The following GABRB3 variants were observed in gnomAD, a reference collection of about 807,000 sequenced individuals.
The protein encoded by GABRB3 is gamma-aminobutyric acid receptor subunit beta-3.
Under a neutral mutation model 52.1 loss-of-function variants are expected in GABRB3, and 14 were observed. The observed-to-expected ratio is 0.27, with a 90% CI of 0.18 to 0.42. GABRB3 has a LOEUF of 0.42. GABRB3 is among the 10% of genes least tolerant of loss of function. The probability of loss-of-function intolerance (pLI) is 1.00; values close to 1 mark genes in which losing one functional copy is unlikely to be tolerated. For missense variants in GABRB3, 307 were observed against 609.1 expected, an observed-to-expected ratio of 0.50 and a Z score of 5.22; for synonymous variants, 260 against 232.3, an observed-to-expected ratio of 1.12 and a Z score of -1.08.
At chr15:26,687,661 T>G (rs1346346093) in intron 3 of GABRB3, among the ~76,000 whole-genome samples, 1 of 152,228 alleles carries the variant, frequency 6.6e-6, no homozygotes, top group Non-Finnish European at 1.5e-5. Context: ...TTTGTTTTGT[T>G]TTTCACTTAA....
At chr15:26,746,912 G>A (rs969796931) in intron 3 of GABRB3, among the ~76,000 whole-genome samples, 4 of 152,058 alleles carry the variant, frequency 2.6e-5, no homozygotes, top group East Asian at 3.9e-4. Flanking sequence ...GCATGAACCC[G>A]GGAGGCGGAA....
At chr15:26,722,799 G>C (rs1411234047) in intron 3 of GABRB3, among the ~76,000 whole-genome samples, 1 of 152,086 alleles carries the variant, frequency 6.6e-6, no homozygotes. Context: ...CACTGGATCC[G>C]AGGGCTGGGC....
chr15:26,559,589 A>G (rs1242164569), intron 8 of GABRB3, among the ~76,000 whole-genome samples: 1 of 152,226 alleles, frequency 6.6e-6, no homozygotes, highest in Non-Finnish European at 1.5e-5. Context: ...GAAGAGGTGG[A>G]AAGATAAATT....
chr15:26,728,323 C>A (rs1207014260), intron 3 of GABRB3, among the ~76,000 whole-genome samples: 1 of 152,174 alleles, frequency 6.6e-6, no homozygotes, highest in East Asian at 1.9e-4. Flanking sequence ...ATTCTGGTTC[C>A]CACACATATG....
At chr15:26,640,014 T>C (rs1486524021) in intron 3 of GABRB3, among the ~76,000 whole-genome samples, 1 of 152,214 alleles carries the variant, frequency 6.6e-6, no homozygotes. Context: ...ACAAGAACTA[T>C]TAAATTACTC....
intron 7 of GABRB3, among the ~76,000 whole-genome samples, chr15:26,566,472 T>G (rs1890178163): frequency 6.6e-6 from 1 of 152,186 alleles, no homozygotes; most frequent in Non-Finnish European, 1.5e-5. Context: ...ACGCATATAC[T>G]CCTAGCACTC....
chr15:26,750,187 ATGT>A (rs1394098227), intron 3 of GABRB3: 7 of 152,230 alleles, frequency 4.6e-5, no homozygotes, highest in African/African-American at 1.7e-4. Context: ...AAATCAGTCC[ATGT>A]TGCTATACAT....
At chr15:26,758,154 T>G in intron 3 of GABRB3, among the ~76,000 whole-genome samples, 1 of 150,852 alleles carries the variant, frequency 6.6e-6, no homozygotes, top group East Asian at 1.9e-4. Flanking sequence ...ACACAGAAAA[T>G]AGTTTAGTAA....
intron 3 of GABRB3, among the ~76,000 whole-genome samples, chr15:26,669,785 A>G (rs1887830984): frequency 1.3e-5 from 2 of 152,084 alleles, no homozygotes; most frequent in South Asian, 4.1e-4. Context: ...ATCTTCTACA[A>G]CCACCATCAC....
intron 3 of GABRB3, among the ~76,000 whole-genome samples, chr15:26,685,732 C>T (rs1888380706): frequency 6.6e-6 from 1 of 150,828 alleles, no homozygotes; most frequent in African/African-American, 2.4e-5. Flanking sequence ...AAAATGATGG[C>T]TAGGAAAGAC....
At chr15:26,732,788 A>G (rs1215573715) in intron 3 of GABRB3, among the ~76,000 whole-genome samples, 1 of 152,170 alleles carries the variant, frequency 6.6e-6, no homozygotes, top group Non-Finnish European at 1.5e-5. Context: ...CAGGAGATCA[A>G]GACCATCCTG....
At chr15:26,589,752 C>T (rs1198304722) in intron 4 of GABRB3, among the ~76,000 whole-genome samples, 2 of 152,188 alleles carry the variant, frequency 1.3e-5, no homozygotes, top group African/African-American at 2.4e-5. Flanking sequence ...CTCCTGTCCA[C>T]GGTTCTCTCC....
Position 26,545,996 on chromosome 15 carries a change from G to A in GABRB3, c.*1797C>T, listed in dbSNP as rs1393534477. 6.6e-6 allele frequency: 1 copy of A among 152,608 alleles called. No individual in the cohort carries two copies. Among genetic ancestry groups the A allele is most frequent in the African/African-American group, 2.4e-5 (1 of 41,454 alleles). 9.5% of individuals were successfully genotyped at this position (152,608 alleles called of 1,614,324 possible). ...ACGGCCACCAAAGAAAAATCAAGTA[G>A]TGGTCAGCTCATGGGGATAGTCCAC... On this transcript the variant is annotated 3_prime_UTR_variant, in exon 9 of 9. Coordinates refer to ENST00000311550, the MANE Select transcript of GABRB3 (RefSeq NM_000814.6).
intron 3 of GABRB3, among the ~76,000 whole-genome samples, chr15:26,751,089 G>A (rs1890495150): frequency 1.3e-5 from 2 of 152,048 alleles, no homozygotes; most frequent in African/African-American, 4.8e-5. Context: ...ACAAAAGATT[G>A]AAGAACTGCT....
chr15:26,630,566 C>T (rs1048010629), intron 3 of GABRB3, among the ~76,000 whole-genome samples: 4 of 152,140 alleles, frequency 2.6e-5, no homozygotes, highest in African/African-American at 4.8e-5. Flanking sequence ...AAGAAATATT[C>T]GAGTAAGAGT....
chr15:26,745,967 G>C (rs1255167076), intron 3 of GABRB3, among the ~76,000 whole-genome samples: 1 of 152,180 alleles, frequency 6.6e-6, no homozygotes, highest in East Asian at 1.9e-4. Flanking sequence ...AAATGCCACA[G>C]AGTGCAATTG....
chr15:26,555,409 A>G (rs1160720301), intron 8 of GABRB3, among the ~76,000 whole-genome samples: 1 of 152,160 alleles, frequency 6.6e-6, no homozygotes, highest in African/African-American at 2.4e-5. Flanking sequence ...TGAGTTTTCA[A>G]GATTTAGATA....
chr15:26,754,825 G>A (rs1284479693), intron 3 of GABRB3, among the ~76,000 whole-genome samples: 1 of 152,096 alleles, frequency 6.6e-6, no homozygotes, highest in Non-Finnish European at 1.5e-5. Flanking sequence ...TCAGTGCCAA[G>A]CCTGAGACCT....
chr15:26,598,949 G>C (rs1358938074), intron 4 of GABRB3, among the ~76,000 whole-genome samples: 1 of 152,178 alleles, frequency 6.6e-6, no homozygotes, highest in African/African-American at 2.4e-5. Context: ...TTTCTAGATG[G>C]CTAGTCAACA....
Sources: allele counts gnomAD v4.1 joint callset (sites outside exome capture counted in the v4.1 genomes callset), GRCh38; gene constraint gnomAD v4.1.1; transcripts MANE v1.5; gene names NCBI Gene and HGNC (gene_info 2026-07-23, HGNC 2026-07-21).